Variants in KIF9 observed in about 807,000 individuals in gnomAD.
KIF9 encodes kinesin-like protein KIF9.
A neutral mutation model predicts 94.8 loss-of-function variants in KIF9; 68 were observed. The ratio of observed to expected loss-of-function variants is 0.72; its 90% CI spans 0.59 to 0.88. The LOEUF is 0.88. Among genes scored for constraint, KIF9 ranks in the 40% least tolerant of loss-of-function variants. KIF9 has a pLI of 0.00. For synonymous variants in KIF9, 343 were observed against 362.1 expected, an observed-to-expected ratio of 0.95 and a Z score of 0.60; for missense variants, 882 against 982.5, an observed-to-expected ratio of 0.90 and a Z score of 1.37.
chr3:47,282,395 C>A, intron 1 of KIF9, 100 bp downstream of exon 1: 14 of 986,502 alleles, frequency 1.4e-5, no homozygotes, highest in Non-Finnish European at 1.6e-5. Context: ...GCTGGGAACC[C>A]CCAGATAAAG....
intron 7 of KIF9, 76 bp from the exon 8 acceptor site, chr3:47,265,953 TG>T: frequency 6.6e-7 from 1 of 1,521,818 alleles, no homozygotes. Context: ...CTTCCTGGTC[TG>T]GAGAAATGCT....
chr3:47,281,249 A>C (rs1702323535), intron 1 of KIF9: 2 of 513,978 alleles, frequency 3.9e-6, no homozygotes, highest in Non-Finnish European at 6.9e-6. Flanking sequence ...GACAACTCCA[A>C]CCAAAGCCCA....
intron 10 of KIF9, among the ~76,000 whole-genome samples, chr3:47,255,791 G>C (rs902217159): frequency 2.0e-5 from 3 of 150,756 alleles, no homozygotes; most frequent in Admixed American, 1.3e-4. Flanking sequence ...CTCTTTCCAC[G>C]GTCTCCCTCT....
intron 9 of KIF9, among the ~76,000 whole-genome samples, chr3:47,261,966 AT>A (rs1317334089): frequency 6.6e-6 from 1 of 152,196 alleles, no homozygotes; most frequent in African/African-American, 2.4e-5. Context: ...GTTTCAACAC[AT>A]TTGGAAGAGA....
At position 47,248,035 on chromosome 3, in the gene KIF9, C is replaced by A; in HGVS notation, c.1111G>T (p.Ala371Ser). 6.2e-7 allele frequency: 1 copy of A among 1,613,622 alleles called. No homozygotes were observed. Among genetic ancestry groups the A allele is most frequent in the African/African-American group, 1.3e-5 (1 of 74,994 alleles). The change falls in exon 11 of 21, where the codon GCT becomes TCT. Residue 371 changes from alanine (A) to serine (S), a missense_variant. Physicochemically the swap from Ala to Ser is moderately conservative, Grantham distance 99 (BLOSUM62 1). Transcript: ENST00000684063. ...KELALLKQEL[A>S]IHDSLTNRTF... ...CCTCTTACCAGGCTGTCATGGATAG[C>A]CAGCTCCTGCTTGAGTAGTGCTAGT... is the stretch of plus-strand genomic sequence containing the variant.
chr3:47,271,501 C>T (rs2107486630), intron 4 of KIF9, 40 bp from the exon 5 acceptor site: 1 of 1,493,404 alleles, frequency 6.7e-7, no homozygotes, highest in South Asian at 1.1e-5. Flanking sequence ...AGAGCAGAAC[C>T]CCAACAGCCA....
intron 7 of KIF9, 33 bp from the exon 8 acceptor site, chr3:47,265,910 G>T: frequency 6.2e-7 from 1 of 1,611,438 alleles, no homozygotes; most frequent in Non-Finnish European, 8.5e-7. Flanking sequence ...ACTTTGGATG[G>T]AATAAAGCAG....
rs1184518489 is a variant in KIF9, at chr3:47,273,641, C to T, written c.277G>A (p.Gly93Arg). Residue 93 changes from glycine (G) to arginine (R), a missense_variant, in exon 4 of 21, where the codon GGG becomes AGG. By Grantham distance (125) the Gly-to-Arg change is moderately radical. Transcript: ENST00000684063. ...DGYNGTIMCY[G>R]QTGAGKTYTM... ...TATGTCTTGCCAGCTCCCGTCTGCCCATAACACATGATGGTGCCTGCAAAC... is the reference window on the plus strand; with the variant it reads ...TATGTCTTGCCAGCTCCCGTCTGCCTATAACACATGATGGTGCCTGCAAAC... The T allele has an allele frequency of 6.2e-7, 1 of 1,614,052 alleles. No individual in the cohort carries two copies. The highest frequency in any genetic ancestry group is 1.7e-5 in the Admixed American group (1 of 60,008).
chr3:47,258,598 C>T (rs578106558), intron 9 of KIF9, among the ~76,000 whole-genome samples: 1 of 152,240 alleles, frequency 6.6e-6, no homozygotes, highest in South Asian at 2.1e-4. Flanking sequence ...GTGCTGTTCT[C>T]ATGGTAGTGA....
chr3:47,234,093 A>AC (rs1553613876), intron 20 of KIF9, among the ~76,000 whole-genome samples: 1 of 151,360 alleles, frequency 6.6e-6, no homozygotes, highest in Non-Finnish European at 1.5e-5. Context: ...CACCCCCCCC[A>AC]AAAAAAAGAA....
intron 1 of KIF9, among the ~76,000 whole-genome samples, chr3:47,279,779 G>C (rs183280793): frequency 6.6e-6 from 1 of 151,698 alleles, no homozygotes; most frequent in African/African-American, 2.4e-5. Context: ...ACCAAGCCCC[G>C]CTAATTTTTC....
intron 14 of KIF9, chr3:47,245,160 CTG>C: frequency 1.6e-6 from 1 of 608,270 alleles, no homozygotes. Context: ...ATTCCATACT[CTG>C]GGGATCTTAA....
In KIF9 at chr3:47,271,470, CAG is replaced by C; in HGVS notation, c.367-11_367-10del. ...TCGATCATCCTAAAAACCTAGATGA[CAG>C]ATTGTACAGCGGTCACCAAGAGCAG... On this transcript the variant is annotated splice_polypyrimidine_tract_variant and intron_variant, in intron 4 of 20. Coordinates refer to ENST00000684063, the MANE Select transcript of KIF9 (RefSeq NM_182902.4). The C allele has an allele frequency of 1.2e-6, 2 of 1,610,816 alleles. No homozygotes were observed. The highest frequency in any genetic ancestry group is 1.7e-6 in the Non-Finnish European group (2 of 1,177,188).
intron 1 of KIF9, chr3:47,282,093 G>T: frequency 3.1e-6 from 2 of 639,600 alleles, no homozygotes; most frequent in Non-Finnish European, 3.9e-6. Flanking sequence ...CTGGGCGGCA[G>T]TGGGCTTTGG....
rs142672587 is a variant in KIF9, at chr3:47,240,909, G to T, written c.1816C>A (p.Arg606=). The part of the protein sequence containing the change: ...FKENKSILNE[R]RKRASETTQH... ...GTGGTCTCGCTGGCCCTTTTCCTCCGTTCATTCAAGATGGATTTGTTTTCT... is the reference window on the plus strand; with the variant it reads ...GTGGTCTCGCTGGCCCTTTTCCTCCTTTCATTCAAGATGGATTTGTTTTCT... Residue 606 remains arginine (R), a synonymous_variant, in exon 17 of 21, where the codon CGG becomes AGG. Coordinates refer to ENST00000684063, the MANE Select transcript of KIF9 (RefSeq NM_182902.4). 6 of 1,613,994 alleles carry T rather than the reference G, an allele frequency of 3.7e-6. No individual in the cohort carries two copies. In the African/African-American group the frequency reaches 8.0e-5, roughly 22 times the overall value.
chr3:47,271,572 T>C, intron 4 of KIF9, 111 bp from the exon 5 acceptor site: 1 of 760,802 alleles, frequency 1.3e-6, no homozygotes, highest in Non-Finnish European at 2.3e-6. Flanking sequence ...GAATAATTAT[T>C]GTCCTAAAGG....
At position 47,275,419 on chromosome 3, in the gene KIF9, A is replaced by C. The variant is rs1366063689; in HGVS notation, c.165T>G (p.Phe55Leu). 9 of 1,613,734 alleles carry C rather than the reference A, an allele frequency of 5.6e-6. No homozygotes were observed. The highest frequency in any genetic ancestry group is 1.7e-5 in the Admixed American group (1 of 60,006). ...VVNNQQTDWS[F>L]KLDGVLHDAS... ...CATCGTGAAGAACTCCATCCAACTT[A>C]AACGACCAGTCTGTCTGTTGGTTAT... Residue 55 changes from phenylalanine to leucine, a missense_variant, in exon 3 of 21, where the codon TTT (phenylalanine) becomes TTG (leucine). Physicochemically the swap from Phe to Leu is conservative, Grantham distance 22. Coordinates refer to ENST00000684063, the MANE Select transcript of KIF9 (RefSeq NM_182902.4).
rs894151826 is a variant in KIF9, at chr3:47,282,479, A to G, written c.-6+16T>C. 9 of 989,662 alleles carry G rather than the reference A, an allele frequency of 9.1e-6. No individual in the cohort carries two copies. The highest frequency in any genetic ancestry group is 9.6e-6 in the Non-Finnish European group (8 of 832,286). The allele number at this position is 989,662 out of a possible 1,614,324, so 61.3% of individuals were successfully genotyped here. A position where few individuals can be genotyped will look rare whatever the true frequency, so the allele number is the denominator to read the frequency against. On this transcript the variant is annotated intron_variant, in intron 1 of 20. Transcript: ENST00000684063. ...TCCCGTCTCCCCACTCCCACCGGCG[A>G]GCAGCCCCTGCTCACCGTTCACCAG...
At position 47,243,164 on chromosome 3, in the gene KIF9, C is replaced by G; in HGVS notation, c.1596G>C (p.Leu532=). 6.2e-7 allele frequency: 1 copy of G among 1,613,918 alleles called. No homozygotes were observed. The highest frequency in any genetic ancestry group is 1.3e-5 in the African/African-American group (1 of 75,044). ...LDYVSTSKTQ[L]VPSSKDGDVK... is the part of the protein sequence containing the mutation. ...CATCCCCATCTTTGGAGGATGGGAC[C>G]AGCTGGGTCTTGGAGGTGGAAACGT... Residue 532 remains leucine, a synonymous_variant, in exon 16 of 21, where the codon CTG becomes CTC. Coordinates refer to ENST00000684063, the MANE Select transcript of KIF9 (RefSeq NM_182902.4).
Sources: gnomAD v4.1 joint callset for allele counts (sites outside exome capture counted in the v4.1 genomes callset) on GRCh38, gnomAD v4.1.1 for gene constraint, MANE v1.5 for transcripts, NCBI Gene and HGNC (gene_info 2026-07-23, HGNC 2026-07-21) for gene names.